Variants in CDKAL1 observed in about 807,000 individuals in gnomAD.
The protein encoded by CDKAL1 is CDKAL1 threonylcarbamoyladenosine tRNA methylthiotransferase.
CDKAL1 carries 32 observed loss-of-function variants against 68.2 expected under a neutral mutation model. The ratio of observed to expected loss-of-function variants is 0.47; its 90% CI spans 0.35 to 0.63. The LOEUF is 0.63. Ranked by LOEUF, CDKAL1 falls within the 30% of genes least tolerant of loss-of-function variation. The probability of loss-of-function intolerance (pLI) is 0.00; values close to 1 mark genes in which losing one functional copy is unlikely to be tolerated. For missense variants in CDKAL1, 606 were observed against 696.7 expected (o/e 0.87, Z 1.47); for synonymous variants, 234 against 244.3 (o/e 0.96, Z 0.39).
At chr6:20,660,500 T>C (rs11759505) in intron 5 of CDKAL1, among the ~76,000 whole-genome samples, 60,246 of 152,090 alleles carry the variant, frequency 0.4, 13,067 homozygotes, top group African/African-American at 0.58. Context: ...TTCTAACTTC[T>C]AATATTGTAT....
At chr6:20,550,988 C>A (rs1450836085) in intron 4 of CDKAL1, among the ~76,000 whole-genome samples, 1 of 151,414 alleles carries the variant, frequency 6.6e-6, no homozygotes, top group Non-Finnish European at 1.5e-5. Flanking sequence ...GGCTCAGCCT[C>A]CCGAGTAGCT....
At chr6:21,130,514 C>G (rs1432858932) in intron 13 of CDKAL1, among the ~76,000 whole-genome samples, 2 of 152,162 alleles carry the variant, frequency 1.3e-5, no homozygotes, top group Non-Finnish European at 2.9e-5. Flanking sequence ...CATGAGCCAC[C>G]AAGCCTGGCC....
At chr6:21,166,985 A>G (rs994507362) in intron 13 of CDKAL1, among the ~76,000 whole-genome samples, 1 of 152,224 alleles carries the variant, frequency 6.6e-6, no homozygotes, top group Non-Finnish European at 1.5e-5. Flanking sequence ...TGAGTATGTC[A>G]CTTAACCTCT....
chr6:20,688,200 C>T (rs1353850651), intron 5 of CDKAL1, among the ~76,000 whole-genome samples: 1 of 151,368 alleles, frequency 6.6e-6, no homozygotes, highest in Non-Finnish European at 1.5e-5. Flanking sequence ...ATATGTCATG[C>T]ATAGGTATAG....
At chr6:20,789,641 T>C (rs1775816817) in intron 8 of CDKAL1, among the ~76,000 whole-genome samples, 1 of 152,226 alleles carries the variant, frequency 6.6e-6, no homozygotes, top group Non-Finnish European at 1.5e-5. Flanking sequence ...ATCTTGCTTA[T>C]CCGATTTCTA....
chr6:20,646,898 C>A (rs1768492287), intron 4 of CDKAL1, among the ~76,000 whole-genome samples: 1 of 152,056 alleles, frequency 6.6e-6, no homozygotes, highest in Non-Finnish European at 1.5e-5. Flanking sequence ...TGCCCGCCCC[C>A]ACGCCCGGCT....
chr6:20,936,323 TC>T lies in CDKAL1; in HGVS notation c.743-19095del, dbSNP rs1763708671. 5.2e-5 allele frequency among the ~76,000 whole-genome samples: 7 copies of T among 134,784 alleles called. No individual in the cohort carries two copies. In the South Asian group the frequency reaches 1.8e-3, roughly 34 times the overall value. 88.4% of individuals were successfully genotyped at this position (134,784 alleles called of 152,430 possible). A position where few individuals can be genotyped will look rare whatever the true frequency, so the allele number is the denominator to read the frequency against. On this transcript the variant is annotated intron_variant, in intron 9 of 15. Transcript: ENST00000274695. ...TGGAGTGCAGTGGCGGGATCTCGGC[TC>T]ACTGCAAGCTCCGCCTCCCGGGTTC...
At chr6:20,924,404 G>T (rs1763093101) in intron 9 of CDKAL1, among the ~76,000 whole-genome samples, 1 of 151,556 alleles carries the variant, frequency 6.6e-6, no homozygotes, top group Non-Finnish European at 1.5e-5. Context: ...CATGTCAAAA[G>T]CCGGCAGGCT....
At chr6:21,045,263 T>A (rs1434790722) in intron 11 of CDKAL1, among the ~76,000 whole-genome samples, 1 of 152,200 alleles carries the variant, frequency 6.6e-6, no homozygotes, top group Non-Finnish European at 1.5e-5. Flanking sequence ...CCAGGAATAC[T>A]CCTGGCAGTG....
chr6:20,673,374 T>G (rs1769940854), intron 5 of CDKAL1, among the ~76,000 whole-genome samples: 1 of 152,234 alleles, frequency 6.6e-6, no homozygotes, highest in African/African-American at 2.4e-5. Context: ...ATACTTTAAA[T>G]CATCTCTGGA....
intron 15 of CDKAL1, among the ~76,000 whole-genome samples, chr6:21,223,597 T>G (rs142683875): frequency 4.1e-4 from 63 of 152,256 alleles, no homozygotes; most frequent in African/African-American, 9.6e-4. Context: ...CATGACTTCC[T>G]TCCATTGGAA....
chr6:20,780,373 G>A (rs1292527986), intron 7 of CDKAL1, among the ~76,000 whole-genome samples: 1 of 151,982 alleles, frequency 6.6e-6, no homozygotes, highest in Non-Finnish European at 1.5e-5. Context: ...CAGCCCTAAA[G>A]TATAATTTTA....
chr6:20,609,306 C>T (rs114606153), intron 4 of CDKAL1, among the ~76,000 whole-genome samples: 87 of 35,636 alleles, frequency 2.4e-3, no homozygotes, highest in African/African-American at 3.4e-3. Context: ...TTCTCCTCCT[C>T]CTCCTCCCCC....
At chr6:20,665,059 G>A (rs1283281787) in intron 5 of CDKAL1, among the ~76,000 whole-genome samples, 1 of 152,028 alleles carries the variant, frequency 6.6e-6, no homozygotes, top group Non-Finnish European at 1.5e-5. Flanking sequence ...AAGTTGTGCT[G>A]TATAGATGGG....
intron 5 of CDKAL1, among the ~76,000 whole-genome samples, chr6:20,692,389 A>T (rs1353501697): frequency 6.6e-6 from 1 of 152,210 alleles, no homozygotes; most frequent in Non-Finnish European, 1.5e-5. Flanking sequence ...AATCTTGTGA[A>T]TTCTGCCTAC....
intron 10 of CDKAL1, among the ~76,000 whole-genome samples, chr6:20,995,925 G>A (rs772110101): frequency 2.6e-5 from 4 of 152,148 alleles, no homozygotes; most frequent in South Asian, 2.1e-4. Flanking sequence ...GAAAATCTGC[G>A]GTGTGCCATA....
intron 7 of CDKAL1, among the ~76,000 whole-genome samples, chr6:20,772,301 A>G (rs1774979895): frequency 6.6e-6 from 1 of 152,210 alleles, no homozygotes; most frequent in Admixed American, 6.5e-5. Context: ...TTGTAGCAAG[A>G]CAGCTAATGA....
In CDKAL1 at chr6:20,833,589, C is replaced by T. The variant is rs529414296; in HGVS notation, c.639-12486C>T. On this transcript the variant is annotated intron_variant, in intron 8 of 15. Coordinates refer to ENST00000274695, the MANE Select transcript of CDKAL1 (RefSeq NM_017774.3). ...AACTCACCTATGTCTATTCATAATA[C>T]TGGAGGAAGAACAGGATGATGCAAT... 5.9e-5 allele frequency among the ~76,000 whole-genome samples: 9 copies of T among 152,002 alleles called. No individual in the cohort carries two copies. In the East Asian group the frequency reaches 1.4e-3, roughly 23 times the overall value.
chr6:20,952,183 C>T (rs1443449981), intron 9 of CDKAL1, among the ~76,000 whole-genome samples: 2 of 152,096 alleles, frequency 1.3e-5, no homozygotes, highest in Non-Finnish European at 2.9e-5. Flanking sequence ...TGGTCTCGAT[C>T]TCCTGACCTC....
Sources: allele counts gnomAD v4.1 joint callset (sites outside exome capture counted in the v4.1 genomes callset), GRCh38; gene constraint gnomAD v4.1.1; transcripts MANE v1.5; gene names NCBI Gene and HGNC (gene_info 2026-07-23, HGNC 2026-07-21).